CFAP161: variants seen among roughly 807,000 people sequenced by gnomAD.
CFAP161 encodes the protein cilia and flagella associated protein 161.
In CFAP161, 25 loss-of-function variants were observed where a neutral mutation model predicts 29.0. The ratio of observed to expected loss-of-function variants is 0.86; its 90% confidence interval spans 0.63 to 1.20. The LOEUF (loss-of-function observed/expected upper bound fraction) is 1.20. Ranked by LOEUF, CFAP161 falls within the 50% of genes most tolerant of loss-of-function variation. The pLI, the probability that CFAP161 is intolerant of heterozygous loss-of-function variation, is 0.00. For synonymous variants in CFAP161, 116 were observed against 137.4 expected, an observed-to-expected ratio of 0.84 and a Z score of 1.09; for missense variants, 367 against 371.9, an observed-to-expected ratio of 0.99 and a Z score of 0.11.
chr15:81,147,422 C>A (rs559027695), intron 5 of CFAP161, among the ~76,000 whole-genome samples: 1 of 152,198 alleles, frequency 6.6e-6, no homozygotes, highest in African/African-American at 2.4e-5. Context: ...GCAAATAAAC[C>A]TCTTAAAATA....
chr15:81,127,248 C>A (rs1270826136), intron 1 of CFAP161, among the ~76,000 whole-genome samples: 1 of 152,200 alleles, frequency 6.6e-6, no homozygotes, highest in Non-Finnish European at 1.5e-5. Context: ...ATTAGCCATC[C>A]TGCACCCACC....
intron 5 of CFAP161, among the ~76,000 whole-genome samples, chr15:81,144,924 T>C (rs1894981296): frequency 6.6e-6 from 1 of 152,168 alleles, no homozygotes; most frequent in African/African-American, 2.4e-5. Flanking sequence ...TTTCTCCGGA[T>C]GCTGGGACCC....
chr15:81,124,412 T>A (rs1423389571), intron 1 of CFAP161, among the ~76,000 whole-genome samples: 1 of 152,160 alleles, frequency 6.6e-6, no homozygotes, highest in Non-Finnish European at 1.5e-5. Flanking sequence ...ATTCAGTTTG[T>A]CAGTATTTTG....
upstream of CFAP161, chr15:81,134,240 A>G (rs531395644): frequency 9.6e-4 from 1,415 of 1,469,658 alleles, 13 homozygotes; most frequent in African/African-American, 0.018. Context: ...CCAGACCTTG[A>G]CCAATCGCCT....
intron 1 of CFAP161, among the ~76,000 whole-genome samples, chr15:81,100,861 C>T (rs1894296367): frequency 6.6e-6 from 1 of 152,086 alleles, no homozygotes; most frequent in Admixed American, 6.6e-5. Flanking sequence ...TTGTGTCATC[C>T]TTTGGTCCTC....
upstream of CFAP161, among the ~76,000 whole-genome samples, chr15:81,130,903 T>C (rs1595915101): frequency 6.6e-6 from 1 of 152,112 alleles, no homozygotes; most frequent in South Asian, 2.1e-4. Context: ...TAACATTTAT[T>C]GATTGGATTT....
chr15:81,138,085 T>C lies in CFAP161; in HGVS notation c.427T>C (p.Tyr143His), dbSNP rs376230696. ...HRDATGQVLRYGQDFCLGITG... is the reference protein window; with the variant it reads ...HRDATGQVLRHGQDFCLGITG... ...AGATGCCACTGGTCAAGTCCTTAGA[T>C]ATGGGCAGGACTTTTGCCTGGGGAT... is the stretch of plus-strand genomic sequence containing the variant. Residue 143 changes from tyrosine to histidine, a missense_variant, in exon 4 of 7, where the codon TAT becomes CAT. By Grantham distance (83) the Tyr-to-His change is moderately conservative. Coordinates refer to ENST00000286732, the MANE Select transcript of CFAP161 (RefSeq NM_173528.4). The C allele has an allele frequency of 5.0e-6, 8 of 1,613,074 alleles. No homozygotes were observed. The highest frequency in any genetic ancestry group is 6.8e-6 in the Non-Finnish European group (8 of 1,179,044).
intron 2 of CFAP161, among the ~76,000 whole-genome samples, chr15:81,128,136 A>C (rs1196972579): frequency 2.6e-5 from 4 of 152,172 alleles, no homozygotes; most frequent in African/African-American, 9.7e-5. Context: ...TCTTTTCGTT[A>C]TCAGGCATAT....
At position 81,138,100 on chromosome 15, in the gene CFAP161, T is replaced by C. The variant is rs192014112; in HGVS notation, c.442T>C (p.Cys148Arg). 3 of 1,613,362 alleles carry C rather than the reference T, an allele frequency of 1.9e-6. No individual in the cohort carries two copies. Among genetic ancestry groups the C allele is most frequent in the African/African-American group, 1.3e-5 (1 of 75,058 alleles). The part of the protein sequence containing the change: ...GQVLRYGQDF[C>R]LGITGGFDNK... The stretch of plus-strand genomic sequence containing the variant: ...AGTCCTTAGATATGGGCAGGACTTT[T>C]GCCTGGGGATAACAGGAGGATTTGA... The change falls in exon 4 of 7, where the codon TGC becomes CGC. Residue 148 changes from cysteine (C) to arginine (R), a missense_variant. Transcript: ENST00000286732.
At chr15:81,118,724 G>A (rs1187282397) in intron 1 of CFAP161, among the ~76,000 whole-genome samples, 6 of 152,246 alleles carry the variant, frequency 3.9e-5, no homozygotes, top group East Asian at 1.9e-4. Flanking sequence ...CGACCCGCCA[G>A]CGGAGCCCAG....
At chr15:81,121,649 C>A (rs1308304943) in intron 1 of CFAP161, among the ~76,000 whole-genome samples, 3 of 152,034 alleles carry the variant, frequency 2.0e-5, no homozygotes, top group Non-Finnish European at 4.4e-5. Context: ...TGTTACATAT[C>A]AGTATTTTAG....
In CFAP161 at chr15:81,123,761, G is replaced by A. The variant is rs180722897; in HGVS notation, c.-141-3829G>A. ...CTTGTTGAGATCCTTCACTTCTCTC[G>A]TTAGCTGTATTCCTAAGTATTTTAT... On this transcript the variant is annotated intron_variant, in intron 1 of 4. Coordinates refer to the CFAP161 transcript ENST00000560091. Among the ~76,000 whole-genome samples the A allele has an allele frequency of 1.4e-4, 22 of 152,178 alleles. No individual in the cohort carries two copies. In the East Asian group the frequency reaches 3.3e-3, roughly 23 times the overall value.
chr15:81,142,665 A>T (rs187054333), intron 4 of CFAP161, among the ~76,000 whole-genome samples: 29 of 152,296 alleles, frequency 1.9e-4, no homozygotes, highest in Admixed American at 1.8e-3. Flanking sequence ...GAGGATAGTA[A>T]CTCATCTCTG....
chr15:81,137,158 CT>C, intron 3 of CFAP161, among the ~76,000 whole-genome samples: 1 of 150,852 alleles, frequency 6.6e-6, no homozygotes. Context: ...GGGATTTTCT[CT>C]TTTAAAATTA....
At chr15:81,135,597 A>G (rs560855437) in intron 2 of CFAP161, among the ~76,000 whole-genome samples, 7 of 140,466 alleles carry the variant, frequency 5.0e-5, no homozygotes, top group African/African-American at 1.9e-4. Context: ...ATTCCCACCT[A>G]TGAGTGAGAA....
chr15:81,132,825 G>C (rs555559111), upstream of CFAP161, among the ~76,000 whole-genome samples: 12 of 152,214 alleles, frequency 7.9e-5, no homozygotes, highest in African/African-American at 2.9e-4. Context: ...TTTGGACTGA[G>C]TCCTTTCTTT....
intron 1 of CFAP161, among the ~76,000 whole-genome samples, chr15:81,116,400 T>C (rs1046143959): frequency 5.0e-4 from 76 of 152,326 alleles, no homozygotes; most frequent in African/African-American, 1.7e-3. Flanking sequence ...TTCAAGTGAT[T>C]CTCCTGCCTC....
intron 1 of CFAP161, among the ~76,000 whole-genome samples, chr15:81,112,873 G>T (rs1011457920): frequency 2.0e-5 from 3 of 152,162 alleles, no homozygotes; most frequent in Admixed American, 6.5e-5. Context: ...TTAAAGCGAG[G>T]TGAGTGGTGG....
rs571327912 is a variant in CFAP161 at position 81,127,098 on chromosome 15, C to A, written c.-141-492C>A. On this transcript the variant is annotated intron_variant, in intron 1 of 4. Coordinates refer to the CFAP161 transcript ENST00000560091. ...GTAGCTGGCTGGAGTCCCAGAAAAC[C>A]TGGCATGCCTTAATGTTTGTGAATC... is the stretch of plus-strand genomic sequence containing the variant. Among the ~76,000 whole-genome samples the A allele has an allele frequency of 1.1e-4, 17 of 152,276 alleles. 1 individual carries two copies. In the South Asian group the frequency reaches 2.9e-3, roughly 26 times the overall value.
Sources: allele counts gnomAD v4.1 joint callset (sites outside exome capture counted in the v4.1 genomes callset), GRCh38; gene constraint gnomAD v4.1.1; transcripts MANE v1.5; gene names NCBI Gene and HGNC (gene_info 2026-07-23, HGNC 2026-07-21).